PTP4A1: variants seen among roughly 807,000 people sequenced by gnomAD.
The protein encoded by PTP4A1 is protein tyrosine phosphatase type IVA 1.
A neutral mutation model predicts 20.5 loss-of-function variants in PTP4A1; 9 were observed. The ratio of observed to expected loss-of-function variants is 0.44; its 90% CI spans 0.26 to 0.77. PTP4A1 has a LOEUF of 0.77. PTP4A1 is among the 30% of genes least tolerant of loss of function. PTP4A1 has a pLI of 0.19. For missense variants in PTP4A1, 137 were observed against 218.8 expected, an observed-to-expected ratio of 0.63 and a Z score of 2.36; for synonymous variants, 78 against 67.4, an observed-to-expected ratio of 1.16 and a Z score of -0.77.
At chr6:63,553,330 G>A (rs578132908) in intron 3 of PTP4A1, among the ~76,000 whole-genome samples, 95 of 152,192 alleles carry the variant, frequency 6.2e-4, no homozygotes, top group African/African-American at 2.0e-3. Flanking sequence ...TTAGCGACTC[G>A]GGTTCAGATA....
At chr6:63,536,506 G>A (rs1003463252) in intron 2 of PTP4A1, among the ~76,000 whole-genome samples, 10 of 152,062 alleles carry the variant, frequency 6.6e-5, no homozygotes, top group Non-Finnish European at 1.2e-4. Context: ...TTAAAACAGT[G>A]GTATTCAAAA....
At chr6:63,562,993 G>A (rs1301799502) in intron 3 of PTP4A1, among the ~76,000 whole-genome samples, 1 of 152,282 alleles carries the variant, frequency 6.6e-6, no homozygotes, top group East Asian at 1.9e-4. Context: ...TAGAGGCAGT[G>A]TGGCATTTTG....
intron 2 of PTP4A1, chr6:63,549,630 C>A (rs1776348771): frequency 8.5e-6 from 4 of 472,868 alleles, no homozygotes; most frequent in Non-Finnish European, 1.5e-5. Flanking sequence ...ATTATCCATA[C>A]AAAAATGGAA....
At chr6:63,549,468 G>A (rs897119175) in intron 2 of PTP4A1, 65 of 794,506 alleles carry the variant, frequency 8.2e-5, no homozygotes, top group South Asian at 7.1e-4. Flanking sequence ...CAGCAGGGCC[G>A]GAGCCACCTT....
intron 2 of PTP4A1, among the ~76,000 whole-genome samples, chr6:63,534,205 T>C (rs770320258): frequency 2.6e-5 from 4 of 152,078 alleles, no homozygotes; most frequent in Non-Finnish European, 4.4e-5. Flanking sequence ...CATCAGAATG[T>C]ATGGCAATTA....
chr6:63,516,814 G>C (rs1031569768), upstream of PTP4A1, among the ~76,000 whole-genome samples: 11 of 152,148 alleles, frequency 7.2e-5, no homozygotes, highest in African/African-American at 2.7e-4. Context: ...CCTACAGCTA[G>C]AATATGGACA....
chr6:63,538,669 T>C (rs1775822958), intron 2 of PTP4A1, among the ~76,000 whole-genome samples: 1 of 152,168 alleles, frequency 6.6e-6, no homozygotes, highest in African/African-American at 2.4e-5. Context: ...TAAGATAGCA[T>C]GAAAATGTGC....
chr6:63,575,837 T>G (rs889984910), intron 1 of PTP4A1, among the ~76,000 whole-genome samples: 8 of 152,060 alleles, frequency 5.3e-5, no homozygotes, highest in Non-Finnish European at 1.0e-4. Flanking sequence ...AAGGATAAAG[T>G]GAGATTCTAA....
At chr6:63,528,949 C>T (rs1489162633) in intron 2 of PTP4A1, among the ~76,000 whole-genome samples, 18 of 151,586 alleles carry the variant, frequency 1.2e-4, no homozygotes, top group Non-Finnish European at 7.4e-5. Flanking sequence ...ATTAGCTGGG[C>T]GTGGTGGCAC....
At chr6:63,560,034 A>AC (rs757504962) in intron 3 of PTP4A1, among the ~76,000 whole-genome samples, 10 of 152,194 alleles carry the variant, frequency 6.6e-5, no homozygotes, top group Admixed American at 1.3e-4. Context: ...TAAGGAAGGT[A>AC]CCCCACGGTA....
chr6:63,532,979 T>G (rs972584416), intron 2 of PTP4A1, among the ~76,000 whole-genome samples: 7 of 152,204 alleles, frequency 4.6e-5, no homozygotes, highest in Non-Finnish European at 8.8e-5. Context: ...AAGGAGGGGT[T>G]AGTCACAGAA....
At chr6:63,561,416 A>G (rs930518129) in intron 3 of PTP4A1, among the ~76,000 whole-genome samples, 3 of 152,230 alleles carry the variant, frequency 2.0e-5, no homozygotes, top group African/African-American at 7.2e-5. Context: ...AACAACCAGC[A>G]CATTCAGTAC....
chr6:63,572,734 C>T lies in PTP4A1; in HGVS notation c.-446+15C>T. Reference sequence around the variant, plus strand: ...AACATATTCCTGTGAGTAGCCGTCGCATCGTCGCCTCTCGGGCTGGGAATC... The same window carrying T: ...AACATATTCCTGTGAGTAGCCGTCGTATCGTCGCCTCTCGGGCTGGGAATC... On this transcript the variant is annotated intron_variant, in intron 1 of 5. Transcript: ENST00000626021. The T allele has an allele frequency of 2.5e-6, 1 of 398,474 alleles. No individual in the cohort carries two copies. Among genetic ancestry groups the T allele is most frequent in the Non-Finnish European group, 4.4e-6 (1 of 225,648 alleles). The allele number at this position is 398,474 out of a possible 1,614,324, so 24.7% of individuals were successfully genotyped here.
At chr6:63,537,668 C>G (rs1775781795) in intron 2 of PTP4A1, among the ~76,000 whole-genome samples, 1 of 152,208 alleles carries the variant, frequency 6.6e-6, no homozygotes, top group African/African-American at 2.4e-5. Context: ...AAACCACAAG[C>G]TGAGTACAAT....
intron 2 of PTP4A1, among the ~76,000 whole-genome samples, chr6:63,578,061 G>T (rs1777986127): frequency 6.6e-6 from 1 of 151,990 alleles, no homozygotes; most frequent in African/African-American, 2.4e-5. Flanking sequence ...TATAAATAAT[G>T]CCTTTAGTTA....
chr6:63,578,556 T>C (rs1450100953), intron 3 of PTP4A1, 27 bp downstream of exon 3: 1 of 1,601,318 alleles, frequency 6.2e-7, no homozygotes. Context: ...TCTTATGGGT[T>C]TATGGTGCTG....
intron 3 of PTP4A1, among the ~76,000 whole-genome samples, chr6:63,553,087 TAG>T (rs1456489897): frequency 2.6e-5 from 4 of 152,210 alleles, no homozygotes; most frequent in African/African-American, 9.6e-5. Context: ...TGCAAAGTAG[TAG>T]AGAGAATGTA....
intron 2 of PTP4A1, among the ~76,000 whole-genome samples, chr6:63,545,591 A>G (rs909353524): frequency 2.0e-5 from 3 of 152,132 alleles, no homozygotes; most frequent in African/African-American, 7.2e-5. Flanking sequence ...AGCCTGGGCA[A>G]CAGAGCAAGA....
At chr6:63,533,096 A>G (rs564882700) in intron 2 of PTP4A1, among the ~76,000 whole-genome samples, 12 of 152,272 alleles carry the variant, frequency 7.9e-5, no homozygotes, top group Admixed American at 5.9e-4. Context: ...AAAGAAAACA[A>G]TAAGGCTGGG....
Sources: gnomAD v4.1 joint callset for allele counts (sites outside exome capture counted in the v4.1 genomes callset) on GRCh38, gnomAD v4.1.1 for gene constraint, MANE v1.5 for transcripts, NCBI Gene and HGNC (gene_info 2026-07-23, HGNC 2026-07-21) for gene names.